The following TPRG1 variants were observed in gnomAD, a reference collection of about 807,000 sequenced individuals.
TPRG1 encodes tumor protein p63 regulated 1.
In TPRG1, 29 loss-of-function variants were observed where a neutral mutation model predicts 29.3. The observed-to-expected ratio is 0.99, with a 90% CI of 0.74 to 1.35. TPRG1 has a LOEUF of 1.35. Ranked by LOEUF, TPRG1 falls within the 40% of genes most tolerant of loss-of-function variation. The probability of loss-of-function intolerance (pLI) is 0.00; values close to 1 mark genes in which losing one functional copy is unlikely to be tolerated. For synonymous variants in TPRG1, 130 were observed against 116.8 expected, an observed-to-expected ratio of 1.11 and a Z score of -0.73; for missense variants, 327 against 335.0, an observed-to-expected ratio of 0.98 and a Z score of 0.19.
upstream of TPRG1, among the ~76,000 whole-genome samples, chr3:189,097,417 T>C (rs1718749327): frequency 6.6e-6 from 1 of 152,204 alleles, no homozygotes; most frequent in South Asian, 2.1e-4. Flanking sequence ...TTCTTCCAAA[T>C]AAATATGTGT....
At chr3:189,289,264 T>G (rs1471504654) in intron 4 of TPRG1, among the ~76,000 whole-genome samples, 1 of 152,208 alleles carries the variant, frequency 6.6e-6, no homozygotes, top group East Asian at 1.9e-4. Context: ...TTATGCAGGC[T>G]TAAAAAATCA....
At chr3:189,161,322 C>T (rs139931245) in intron 5 of TPRG1, among the ~76,000 whole-genome samples, 61 of 152,286 alleles carry the variant, frequency 4.0e-4, no homozygotes, top group Non-Finnish European at 6.9e-4. Flanking sequence ...ACTATCTTTG[C>T]GGCCTTGGGG....
chr3:189,292,654 C>T lies in TPRG1; in HGVS notation c.480-17732C>T, dbSNP rs76513280. ...CTTATAGTAATTTGGGGCTAGAGAACAATTTCAGGGGTGGCTTTAACTTCT... is the reference window on the plus strand; with the variant it reads ...CTTATAGTAATTTGGGGCTAGAGAATAATTTCAGGGGTGGCTTTAACTTCT... On this transcript the variant is annotated intron_variant, in intron 4 of 5. Transcript: ENST00000345063. Among the ~76,000 whole-genome samples the T allele has an allele frequency of 5.9e-5, 9 of 152,268 alleles. No homozygotes were observed. The East Asian group carries it at 1.7e-3, about 29-fold the overall frequency.
chr3:189,106,774 G>A (rs994446498), intron 1 of TPRG1, among the ~76,000 whole-genome samples: 1 of 151,960 alleles, frequency 6.6e-6, no homozygotes, highest in African/African-American at 2.4e-5. Context: ...TCATGTTTCT[G>A]TAGTTTTAGG....
chr3:189,219,639 T>C, intron 3 of TPRG1: 1 of 1,289,086 alleles, frequency 7.8e-7, no homozygotes, highest in South Asian at 1.2e-5. Context: ...TATGATATGA[T>C]GGCAATAAAG....
rs551492515 is a variant in TPRG1 at position 189,043,729 on chromosome 3, G to C, written c.-463+19783G>C. Among the ~76,000 whole-genome samples the C allele has an allele frequency of 5.3e-5, 8 of 152,168 alleles. No individual in the cohort carries two copies. In the South Asian group the frequency reaches 1.7e-3, roughly 32 times the overall value. ...CCACTCTTGAATTGAAGGAGGGCAC[G>C]GTGACATTGGCATTTCTGCTTGGGG... On this transcript the variant is annotated intron_variant, in intron 4 of 10. Coordinates refer to the TPRG1 transcript ENST00000433971.
chr3:189,165,865 A>C (rs564240568), intron 5 of TPRG1, among the ~76,000 whole-genome samples: 53 of 152,288 alleles, frequency 3.5e-4, no homozygotes, highest in African/African-American at 1.3e-3. Flanking sequence ...TGTTGCCAAT[A>C]TGGAAAATCT....
In TPRG1 at chr3:189,320,805, G is replaced by A; in HGVS notation, c.813G>A (p.Gly271=). ...RNKLGYSLAR[G]SIGF ...AACTTGGCTATTCCCTTGCCCGTGG[G>A]AGTATTGGTTTTTGAGAGTCTTTTT... Residue 271 remains glycine, a synonymous_variant, in exon 6 of 6, where the codon GGG becomes GGA. Coordinates refer to ENST00000345063, the MANE Select transcript of TPRG1 (RefSeq NM_198485.4). 2 of 1,592,078 alleles carry A rather than the reference G, an allele frequency of 1.3e-6. No homozygotes were observed. The highest frequency in any genetic ancestry group is 1.7e-6 in the Non-Finnish European group (2 of 1,169,976).
At chr3:189,298,124 A>G (rs1720255401) in intron 4 of TPRG1, among the ~76,000 whole-genome samples, 1 of 152,214 alleles carries the variant, frequency 6.6e-6, no homozygotes, top group Non-Finnish European at 1.5e-5. Context: ...ACTTACCCCA[A>G]AGCAAATATA....
intron 3 of TPRG1, among the ~76,000 whole-genome samples, chr3:189,011,832 T>G (rs1183186527): frequency 1.3e-5 from 2 of 152,248 alleles, no homozygotes. Flanking sequence ...TAGTTCTCCT[T>G]GAAGAGGTCC....
intron 3 of TPRG1, among the ~76,000 whole-genome samples, chr3:189,221,212 T>G (rs550086305): frequency 2.8e-4 from 42 of 152,346 alleles, no homozygotes; most frequent in African/African-American, 9.6e-4. Context: ...CACTTTATAG[T>G]TTAAAAAGTC....
At chr3:189,112,556 G>C (rs1466476515) in intron 1 of TPRG1, among the ~76,000 whole-genome samples, 1 of 152,130 alleles carries the variant, frequency 6.6e-6, no homozygotes, top group African/African-American at 2.4e-5. Context: ...TTTTGTATAA[G>C]GTGTAAGGAA....
chr3:189,053,374 AG>A (rs1365836628), intron 4 of TPRG1, among the ~76,000 whole-genome samples: 1 of 152,180 alleles, frequency 6.6e-6, no homozygotes, highest in Non-Finnish European at 1.5e-5. Flanking sequence ...TGACCCTCCC[AG>A]TCTTGAAACT....
chr3:188,998,393 G>C (rs1711894877), intron 1 of TPRG1, among the ~76,000 whole-genome samples: 2 of 152,154 alleles, frequency 1.3e-5, no homozygotes, highest in Admixed American at 1.3e-4. Context: ...ACTTGTTTAA[G>C]ACACAAGGCC....
chr3:189,006,298 C>T (rs549137025), intron 3 of TPRG1, among the ~76,000 whole-genome samples: 1 of 152,086 alleles, frequency 6.6e-6, no homozygotes, highest in South Asian at 2.1e-4. Flanking sequence ...TACTTATCTC[C>T]CAGGAGGATG....
intron 3 of TPRG1, among the ~76,000 whole-genome samples, chr3:189,140,168 A>G (rs1724351668): frequency 6.6e-6 from 1 of 152,180 alleles, no homozygotes; most frequent in Non-Finnish European, 1.5e-5. Flanking sequence ...CACCAGATAC[A>G]CTTGAGACTC....
intron 3 of TPRG1, among the ~76,000 whole-genome samples, chr3:189,138,384 T>C (rs1724052855): frequency 6.6e-6 from 1 of 152,150 alleles, no homozygotes; most frequent in Non-Finnish European, 1.5e-5. Context: ...GCTAGCTACA[T>C]TAACAACCAA....
At chr3:189,296,713 G>C (rs78147074) in intron 4 of TPRG1, among the ~76,000 whole-genome samples, 14,723 of 152,254 alleles carry the variant, frequency 0.097, 874 homozygotes, top group East Asian at 0.19. Flanking sequence ...CAAAAGAGGA[G>C]TGGTTGAAGA....
intron 1 of TPRG1, among the ~76,000 whole-genome samples, chr3:189,201,815 T>C (rs1425329420): frequency 6.6e-6 from 1 of 152,082 alleles, no homozygotes; most frequent in Non-Finnish European, 1.5e-5. Context: ...CACGCCTGGC[T>C]AATTTTTGTA....
Sources: gnomAD v4.1 joint callset for allele counts (sites outside exome capture counted in the v4.1 genomes callset) on GRCh38, gnomAD v4.1.1 for gene constraint, MANE v1.5 for transcripts, NCBI Gene and HGNC (gene_info 2026-07-23, HGNC 2026-07-21) for gene names.